NTM: variants seen among roughly 807,000 people sequenced by gnomAD.
NTM encodes IgLON family member 2.
In NTM, 13 loss-of-function variants were observed where a neutral mutation model predicts 42.1. The ratio of observed to expected loss-of-function variants is 0.31; its 90% confidence interval spans 0.20 to 0.49. The LOEUF (loss-of-function observed/expected upper bound fraction) is 0.49, where lower values mean the gene tolerates loss of function less well. Ranked by LOEUF, NTM falls within the 20% of genes least tolerant of loss-of-function variation. The pLI is 0.99. For synonymous variants in NTM, 187 were observed against 179.2 expected (o/e 1.04, Z -0.35); for missense variants, 373 against 452.8 (o/e 0.82, Z 1.60).
At chr11:131,434,972 C>T (rs577357093) in intron 1 of NTM, among the ~76,000 whole-genome samples, 67 of 152,116 alleles carry the variant, frequency 4.4e-4, no homozygotes, top group African/African-American at 1.3e-3. Context: ...TTGTCTAAGG[C>T]GTAAGGAAGG....
chr11:132,062,001 A>G (rs1448151190), intron 2 of NTM, among the ~76,000 whole-genome samples: 1 of 152,148 alleles, frequency 6.6e-6, no homozygotes, highest in African/African-American at 2.4e-5. Flanking sequence ...AACATCTTCC[A>G]CTAACCATGC....
intron 2 of NTM, among the ~76,000 whole-genome samples, chr11:131,959,251 T>G (rs2134471057): frequency 6.6e-6 from 1 of 152,316 alleles, no homozygotes; most frequent in African/African-American, 2.4e-5. Context: ...CTCTTTATTT[T>G]ACTGGACATA....
intron 1 of NTM, among the ~76,000 whole-genome samples, chr11:131,907,898 T>C (rs953389762): frequency 2.0e-5 from 3 of 152,218 alleles, no homozygotes; most frequent in Non-Finnish European, 4.4e-5. Flanking sequence ...AGTTGACATA[T>C]GATTTTGATC....
intron 1 of NTM, among the ~76,000 whole-genome samples, chr11:131,457,734 TTA>T (rs968295194): frequency 6.6e-6 from 1 of 151,364 alleles, no homozygotes; most frequent in Admixed American, 6.6e-5. Flanking sequence ...CCCCCCAAAT[TTA>T]TGTGTTAAAA....
intron 2 of NTM, among the ~76,000 whole-genome samples, chr11:132,037,580 G>C (rs566008189): frequency 6.6e-6 from 1 of 152,096 alleles, no homozygotes; most frequent in African/African-American, 2.4e-5. Context: ...CATTAAGGCT[G>C]AAAAACAGAG....
chr11:131,898,516 G>T (rs1445460228), intron 1 of NTM, among the ~76,000 whole-genome samples: 3 of 152,090 alleles, frequency 2.0e-5, no homozygotes, highest in Non-Finnish European at 1.5e-5. Context: ...GACTCCAATT[G>T]TGATTCATTG....
chr11:131,434,224 C>T (rs1591652177), intron 1 of NTM, among the ~76,000 whole-genome samples: 1 of 152,316 alleles, frequency 6.6e-6, no homozygotes, highest in South Asian at 2.1e-4. Flanking sequence ...TCTTTGCTAT[C>T]ATGAATAGTG....
At chr11:131,792,490 C>G (rs1038543357) in intron 1 of NTM, among the ~76,000 whole-genome samples, 3 of 152,196 alleles carry the variant, frequency 2.0e-5, no homozygotes, top group African/African-American at 7.2e-5. Flanking sequence ...AATTCCCACT[C>G]TACACCTTGG....
At chr11:132,119,376 A>G (rs2064392382) in intron 2 of NTM, among the ~76,000 whole-genome samples, 1 of 152,060 alleles carries the variant, frequency 6.6e-6, no homozygotes, top group South Asian at 2.1e-4. Flanking sequence ...TGCGCTTGAC[A>G]TCATGACTGA....
intron 2 of NTM, among the ~76,000 whole-genome samples, chr11:132,134,739 A>ATG: frequency 1.2e-5 from 1 of 85,806 alleles, no homozygotes; most frequent in African/African-American, 6.4e-5. Flanking sequence ...ATATATATAT[A>ATG]TATATATATA....
chr11:131,684,467 C>G (rs1229802629), intron 1 of NTM, among the ~76,000 whole-genome samples: 2 of 152,232 alleles, frequency 1.3e-5, no homozygotes, highest in Admixed American at 6.5e-5. Context: ...TGGCAGCATC[C>G]CCTGGTGCCC....
At chr11:131,377,483 C>G (rs1163016529) in intron 1 of NTM, among the ~76,000 whole-genome samples, 3 of 152,158 alleles carry the variant, frequency 2.0e-5, no homozygotes, top group Non-Finnish European at 1.5e-5. Flanking sequence ...GTGGATGAGG[C>G]AAATACTATT....
chr11:131,687,300 C>T (rs891044525), intron 1 of NTM, among the ~76,000 whole-genome samples: 1 of 152,240 alleles, frequency 6.6e-6, no homozygotes, highest in African/African-American at 2.4e-5. Context: ...CCCCTCCCAC[C>T]CCAGTTGCTT....
intron 3 of NTM, among the ~76,000 whole-genome samples, chr11:132,170,950 A>T (rs932843741): frequency 6.6e-6 from 1 of 152,156 alleles, no homozygotes; most frequent in African/African-American, 2.4e-5. Context: ...CTGCTAACTA[A>T]ATAGAGCAAG....
At chr11:131,878,633 AT>A (rs2048965555) in intron 1 of NTM, among the ~76,000 whole-genome samples, 6 of 127,236 alleles carry the variant, frequency 4.7e-5, no homozygotes, top group African/African-American at 1.8e-4. Flanking sequence ...ATATATATAT[AT>A]ATATATAATG....
rs183852952 is a variant in NTM at position 131,604,764 on chromosome 11, T to C, written c.82+233876T>C. ...GGAGTAAGAATCCCACTTCTTTCCTTTGTATGTGGATCTCCAGTTGTCCTA... is the reference window on the plus strand; with the variant it reads ...GGAGTAAGAATCCCACTTCTTTCCTCTGTATGTGGATCTCCAGTTGTCCTA... On this transcript the variant is annotated intron_variant, in intron 1 of 8. Coordinates refer to ENST00000683400, the MANE Select transcript of NTM (RefSeq NM_001352005.2). 1.1e-3 allele frequency among the ~76,000 whole-genome samples: 169 copies of C among 151,876 alleles called. 1 individual carries two copies. Among genetic ancestry groups the C allele is most frequent in the African/African-American group, 3.8e-3 (158 of 41,446 alleles).
chr11:132,182,122 A>G (rs1258423873), intron 3 of NTM, among the ~76,000 whole-genome samples: 1 of 152,078 alleles, frequency 6.6e-6, no homozygotes, highest in Non-Finnish European at 1.5e-5. Context: ...ACCAACATAT[A>G]TCAGTCAAGC....
At chr11:131,671,604 C>G (rs925216541) in intron 1 of NTM, 3 of 985,254 alleles carry the variant, frequency 3.0e-6, no homozygotes, top group Non-Finnish European at 2.4e-6. Flanking sequence ...GGCATATCTG[C>G]GACTTGGCAG....
At chr11:131,595,502 AT>A (rs1197674391) in intron 1 of NTM, among the ~76,000 whole-genome samples, 4 of 152,206 alleles carry the variant, frequency 2.6e-5, no homozygotes, top group Admixed American at 1.3e-4. Context: ...CTGAGAAACT[AT>A]TATTTTGCAA....
Sources: gnomAD v4.1 joint callset for allele counts (sites outside exome capture counted in the v4.1 genomes callset) on GRCh38, gnomAD v4.1.1 for gene constraint, MANE v1.5 for transcripts, NCBI Gene and HGNC (gene_info 2026-07-23, HGNC 2026-07-21) for gene names.